Variants in CEP83 observed in about 807,000 individuals in gnomAD.
CEP83 encodes centrosomal protein 83.
In CEP83, 70 loss-of-function variants were observed where a neutral mutation model predicts 101.9. The ratio of observed to expected loss-of-function variants is 0.69; its 90% confidence interval spans 0.57 to 0.84. The LOEUF is 0.84. Ranked by LOEUF, CEP83 falls within the 40% of genes least tolerant of loss-of-function variation. The pLI, the probability that CEP83 is intolerant of heterozygous loss-of-function variation, is 0.00. For synonymous variants in CEP83, 264 were observed against 267.9 expected (o/e 0.99, Z 0.14); for missense variants, 715 against 787.2 (o/e 0.91, Z 1.10).
chr12:94,275,849 C>A, the CEP83 span, among the ~76,000 whole-genome samples: 1 of 67,276 alleles, frequency 1.5e-5, no homozygotes, highest in East Asian at 4.0e-4. Context: ...AGCGAGACTC[C>A]GTCTCAAAAA....
chr12:94,298,635 G>T, the CEP83 span: 1 of 1,584,330 alleles, frequency 6.3e-7, no homozygotes, highest in South Asian at 1.2e-5. Flanking sequence ...CTTTCAGGTG[G>T]CAATTCATTC....
chr12:94,348,345 C>T (rs149801488), intron 11 of CEP83, among the ~76,000 whole-genome samples: 387 of 152,124 alleles, frequency 2.5e-3, no homozygotes, highest in Non-Finnish European at 4.4e-3. Context: ...AAGAAGCTGC[C>T]AAAGAACTCA....
chr12:94,424,836 T>C, intron 2 of CEP83: 6 of 1,598,724 alleles, frequency 3.8e-6, no homozygotes, highest in Non-Finnish European at 5.1e-6. Flanking sequence ...TTGCTTCCAC[T>C]ACTGCTGTTA....
downstream of CEP83, chr12:94,305,501 G>A (rs1480113631): frequency 2.1e-6 from 1 of 468,280 alleles, no homozygotes; most frequent in South Asian, 3.6e-5. Context: ...TGTAAATAGA[G>A]TTGAAGTGGT....
In CEP83 at chr12:94,308,796, CCTGTT is replaced by C. The variant is rs1273753233; in HGVS notation, c.*12_*16del. The C allele has an allele frequency of 3.3e-6, 5 of 1,527,888 alleles. No homozygotes were observed. Among genetic ancestry groups the C allele is most frequent in the Non-Finnish European group, 4.5e-6 (5 of 1,102,152 alleles). 94.6% of individuals were successfully genotyped at this position (1,527,888 alleles called of 1,614,324 possible). A position where few individuals can be genotyped will look rare whatever the true frequency, so the allele number is the denominator to read the frequency against. On this transcript the variant is annotated 3_prime_UTR_variant, in exon 17 of 17. Coordinates refer to ENST00000397809, the MANE Select transcript of CEP83 (RefSeq NM_016122.3). ...CACCAACTTCACCTCTTTTGATCTG[CCTGTT>C]CTCCAAGAACATCATTCTCCGGAAG...
Position 94,412,583 on chromosome 12 carries a change from A to C in CEP83, c.-93T>G, listed in dbSNP as rs568857275. 9.1e-6 allele frequency: 9 copies of C among 987,466 alleles called. No individual in the cohort carries two copies. The highest frequency in any genetic ancestry group is 1.4e-5 in the Non-Finnish European group (9 of 642,600). 61.2% of individuals were successfully genotyped at this position (987,466 alleles called of 1,614,324 possible). ...TGCTAAGGCAGAATCTCAGGAAGCCAAATTATACCTGCACAGAGAAATAAA... is the reference window on the plus strand; with the variant it reads ...TGCTAAGGCAGAATCTCAGGAAGCCCAATTATACCTGCACAGAGAAATAAA... On this transcript the variant is annotated 5_prime_UTR_variant, in exon 3 of 17. Transcript: ENST00000397809.
chr12:94,325,333 C>T (rs1370465150), intron 14 of CEP83, among the ~76,000 whole-genome samples: 2 of 152,140 alleles, frequency 1.3e-5, no homozygotes, highest in Non-Finnish European at 2.9e-5. Context: ...CCACCATGCC[C>T]GGCTAATTTT....
intron 11 of CEP83, 114 bp from the exon 12 acceptor site, chr12:94,335,778 C>T (rs2059421620): frequency 1.4e-6 from 1 of 690,870 alleles, no homozygotes; most frequent in Admixed American, 3.3e-5. Flanking sequence ...ACAAACACAA[C>T]CAAAGATTGA....
intron 13 of CEP83, 53 bp downstream of exon 13, chr12:94,333,429 C>T (rs2059322135): frequency 2.0e-6 from 3 of 1,466,198 alleles, no homozygotes; most frequent in East Asian, 2.3e-5. Flanking sequence ...AAAATAAGTA[C>T]ATGTTATATA....
intron 11 of CEP83, among the ~76,000 whole-genome samples, chr12:94,355,884 C>G (rs927893037): frequency 6.6e-6 from 1 of 152,232 alleles, no homozygotes; most frequent in Non-Finnish European, 1.5e-5. Flanking sequence ...AATTTAATAT[C>G]TATAGAAACA....
At chr12:94,428,199 T>G (rs1486383003) in intron 2 of CEP83, among the ~76,000 whole-genome samples, 2 of 152,240 alleles carry the variant, frequency 1.3e-5, no homozygotes, top group South Asian at 4.1e-4. Flanking sequence ...TTAGTGTAAA[T>G]TACCAAAGTC....
chr12:94,297,973 T>A, the CEP83 span, among the ~76,000 whole-genome samples: 4,912 of 152,142 alleles, frequency 0.032, 260 homozygotes, highest in African/African-American at 0.11. Context: ...TGTGGTGATC[T>A]TTTTTTTCCT....
At position 94,443,744 on chromosome 12, in the gene CEP83, C is replaced by A. The variant is rs1424660130; in HGVS notation, c.-154-8417G>T. Among the ~76,000 whole-genome samples, 3 of 152,106 alleles carry A rather than the reference C, an allele frequency of 2.0e-5. No homozygotes were observed. In the East Asian group the frequency reaches 5.8e-4, roughly 29 times the overall value. On this transcript the variant is annotated intron_variant, in intron 1 of 16. Coordinates refer to ENST00000397809, the MANE Select transcript of CEP83 (RefSeq NM_016122.3). ...TCAAGTGATCCACCCACCTTGGCCTCGCAAAGTGCTGGGATTACAGGCATG... is the reference window on the plus strand; with the variant it reads ...TCAAGTGATCCACCCACCTTGGCCTAGCAAAGTGCTGGGATTACAGGCATG...
intron 11 of CEP83, chr12:94,361,423 T>G (rs2060752759): frequency 6.6e-6 from 1 of 151,936 alleles, no homozygotes; most frequent in Non-Finnish European, 1.5e-5. Flanking sequence ...CTGACCCAGG[T>G]CAGAAATAGA....
chr12:94,395,980 T>A (rs536443597), intron 6 of CEP83, among the ~76,000 whole-genome samples: 2 of 152,322 alleles, frequency 1.3e-5, no homozygotes, highest in South Asian at 4.1e-4. Flanking sequence ...CCTGTCATTA[T>A]GGACTGTCAC....
intron 1 of CEP83, among the ~76,000 whole-genome samples, chr12:94,447,610 C>T (rs1441013696): frequency 6.6e-6 from 1 of 152,060 alleles, no homozygotes; most frequent in Non-Finnish European, 1.5e-5. Context: ...CACTTCATCT[C>T]GTTTAAAGAC....
chr12:94,277,644 C>A, the CEP83 span: 21 of 312,084 alleles, frequency 6.7e-5, no homozygotes, highest in East Asian at 1.9e-3. Context: ...CCACTGGGTT[C>A]ATTGCTGGCA....
At chr12:94,279,331 A>G in the CEP83 span, 1 of 631,754 alleles carries the variant, frequency 1.6e-6, no homozygotes, top group East Asian at 2.8e-5. Context: ...AGAAAAGATG[A>G]AAGTAGTCTA....
intron 16 of CEP83, among the ~76,000 whole-genome samples, chr12:94,309,379 G>A (rs1000754986): frequency 6.6e-6 from 1 of 152,080 alleles, no homozygotes; most frequent in East Asian, 1.9e-4. Context: ...TACCTCAGGG[G>A]CTTGATACAA....
Sources: allele counts gnomAD v4.1 joint callset (sites outside exome capture counted in the v4.1 genomes callset), GRCh38; gene constraint gnomAD v4.1.1; transcripts MANE v1.5; gene names NCBI Gene and HGNC (gene_info 2026-07-23, HGNC 2026-07-21).